CDK13: variants seen among roughly 807,000 people sequenced by gnomAD.
CDK13 encodes the protein cyclin dependent kinase 13.
CDK13 carries 40 observed loss-of-function variants against 137.6 expected under a neutral mutation model. That is an observed-to-expected ratio of 0.29 (90% confidence interval 0.23 to 0.38). The LOEUF (loss-of-function observed/expected upper bound fraction) is 0.38, where lower values mean the gene tolerates loss of function less well. Ranked by LOEUF, CDK13 falls within the 10% of genes least tolerant of loss-of-function variation. The pLI is 1.00. For synonymous variants in CDK13, 869 were observed against 760.1 expected (o/e 1.14, Z -2.36); for missense variants, 1,704 against 1,951.8 (o/e 0.87, Z 2.39).
intron 7 of CDK13, among the ~76,000 whole-genome samples, chr7:40,060,039 T>C (rs1786106979): frequency 6.6e-6 from 1 of 152,226 alleles, no homozygotes; most frequent in African/African-American, 2.4e-5. Context: ...TGTTTATTTT[T>C]GAAAATTTAC....
At position 40,045,939 on chromosome 7, in the gene CDK13, A is replaced by G. The variant is rs1188651535; in HGVS notation, c.2457A>G (p.Arg819=). The G allele has an allele frequency of 6.2e-7, 1 of 1,612,924 alleles. No individual in the cohort carries two copies. Among genetic ancestry groups the G allele is most frequent in the Admixed American group, 1.7e-5 (1 of 60,004 alleles). The change falls in exon 6 of 14, where the codon AGA becomes AGG. Residue 819 remains arginine, a synonymous_variant. Transcript: ENST00000181839. ...FNENHIKSFM[R]QLMEGLDYCH... is the part of the protein sequence containing the mutation. ...AAAATCACATAAAGTCATTTATGAGACAGCTCATGGAGGGTCTGGATTATT... is the reference window on the plus strand; with the variant it reads ...AAAATCACATAAAGTCATTTATGAGGCAGCTCATGGAGGGTCTGGATTATT...
intron 7 of CDK13, chr7:40,062,262 G>T (rs1256389457): frequency 2.0e-5 from 3 of 152,078 alleles, no homozygotes; most frequent in African/African-American, 7.3e-5. Context: ...GCTTTGCTTT[G>T]ACCAAATTGC....
At chr7:40,016,288 A>G (rs1477320572) in intron 5 of CDK13, among the ~76,000 whole-genome samples, 1 of 152,178 alleles carries the variant, frequency 6.6e-6, no homozygotes, top group Admixed American at 6.5e-5. Context: ...ACGTGGGCAA[A>G]TTATTTATTG....
chr7:40,096,512 A>G lies in CDK13; in HGVS notation c.*1532A>G, dbSNP rs1258852483. 4 of 152,212 alleles carry G rather than the reference A, an allele frequency of 2.6e-5. No homozygotes were observed. The highest frequency in any genetic ancestry group is 5.9e-5 in the Non-Finnish European group (4 of 68,026). 9.4% of individuals were successfully genotyped at this position (152,212 alleles called of 1,614,324 possible). ...AGTGTTTCCATTATCACTAAATGGA[A>G]AAATTGACTGGAAGTTAGAGTTGTG... On this transcript the variant is annotated 3_prime_UTR_variant, in exon 14 of 14. Coordinates refer to ENST00000181839, the MANE Select transcript of CDK13 (RefSeq NM_003718.5).
At chr7:40,012,652 C>A (rs1784919420) in intron 5 of CDK13, among the ~76,000 whole-genome samples, 1 of 151,710 alleles carries the variant, frequency 6.6e-6, no homozygotes, top group Non-Finnish European at 1.5e-5. Context: ...CAGTGGCTCA[C>A]GCCTGTAACC....
chr7:40,039,434 A>AT (rs976319927), intron 5 of CDK13, among the ~76,000 whole-genome samples: 3,215 of 84,852 alleles, frequency 0.038, 170 homozygotes, highest in Non-Finnish European at 0.04. Context: ...TGCCCGGCTA[A>AT]TTTTTTTTTT....
intron 12 of CDK13, 147 bp downstream of exon 12, chr7:40,088,478 A>C (rs1471480727): frequency 1.5e-6 from 1 of 664,852 alleles, no homozygotes; most frequent in African/African-American, 1.8e-5. Context: ...GCCAGTACAG[A>C]AGTTTCATTG....
intron 11 of CDK13, among the ~76,000 whole-genome samples, chr7:40,087,756 C>T (rs1016275757): frequency 6.6e-5 from 10 of 152,022 alleles, no homozygotes; most frequent in South Asian, 2.1e-4. Flanking sequence ...GCCATGTTGG[C>T]CAGGCTGATC....
chr7:40,089,723 A>AGAGTGTGTGT (rs1491307176), intron 12 of CDK13, among the ~76,000 whole-genome samples: 30 of 125,224 alleles, frequency 2.4e-4, no homozygotes, highest in African/African-American at 7.1e-4. Context: ...AGAGAGAGAG[A>AGAGTGTGTGT]GTGTGTGTGT....
rs1253914983 is a variant in CDK13 at position 40,001,973 on chromosome 7, C to A, written c.2295C>A (p.Ile765=). ...GGCAGCTTACCCATCAGAGTATTAT[C>A]AATATGAAGGAAATAGTGACTGATA... ...ILRQLTHQSI[I]NMKEIVTDKE... The change falls in exon 5 of 14, where the codon ATC becomes ATA. Residue 765 remains isoleucine, a synonymous_variant. Coordinates refer to ENST00000181839, the MANE Select transcript of CDK13 (RefSeq NM_003718.5). 6.2e-7 allele frequency: 1 copy of A among 1,610,610 alleles called. No homozygotes were observed. The highest frequency in any genetic ancestry group is 1.1e-5 in the South Asian group (1 of 90,836).
chr7:39,999,525 C>T, intron 4 of CDK13, 25 bp downstream of exon 4: 3 of 1,574,102 alleles, frequency 1.9e-6, no homozygotes, highest in Middle Eastern at 1.7e-4. Flanking sequence ...TTCTGGGGAT[C>T]TTTGGGCCTA....
chr7:40,062,134 C>T (rs1786161209), intron 7 of CDK13: 1 of 152,100 alleles, frequency 6.6e-6, no homozygotes, highest in African/African-American at 2.4e-5. Context: ...ATCTTGTCAT[C>T]CATTAGTAAT....
At chr7:39,962,398 A>G (rs1247451389) in intron 1 of CDK13, among the ~76,000 whole-genome samples, 1 of 152,234 alleles carries the variant, frequency 6.6e-6, no homozygotes, top group Admixed American at 6.5e-5. Context: ...GATGATGAGC[A>G]TCTTTTCATG....
At chr7:39,968,350 G>A (rs1004623505) in intron 1 of CDK13, among the ~76,000 whole-genome samples, 2 of 152,104 alleles carry the variant, frequency 1.3e-5, no homozygotes, top group African/African-American at 4.8e-5. Context: ...ACTGTATAAG[G>A]TGTGAGATGA....
intron 5 of CDK13, among the ~76,000 whole-genome samples, chr7:40,033,810 G>C (rs892643205): frequency 6.6e-6 from 1 of 152,142 alleles, no homozygotes; most frequent in Non-Finnish European, 1.5e-5. Context: ...CTGTGTCCCT[G>C]GTCTGTAGTC....
intron 5 of CDK13, among the ~76,000 whole-genome samples, chr7:40,031,929 C>T (rs1346049962): frequency 6.6e-6 from 1 of 151,530 alleles, no homozygotes; most frequent in Non-Finnish European, 1.5e-5. Context: ...TCAAGCTATC[C>T]TCCTGCCTCG....
chr7:40,005,009 A>C (rs1784767091), intron 5 of CDK13, among the ~76,000 whole-genome samples: 2 of 152,094 alleles, frequency 1.3e-5, no homozygotes, highest in African/African-American at 4.8e-5. Context: ...ACCCATCTCA[A>C]CTAAAAATAC....
At position 39,988,295 on chromosome 7, in the gene CDK13, G is replaced by A. The variant is rs751137950; in HGVS notation, c.1871+37G>A. 4.6e-6 allele frequency: 7 copies of A among 1,508,886 alleles called. No homozygotes were observed. The East Asian group carries it at 9.0e-5, about 19-fold the overall frequency. The allele number at this position is 1,508,886 out of a possible 1,614,324, so 93.5% of individuals were successfully genotyped here. A position where few individuals can be genotyped will look rare whatever the true frequency, so the allele number is the denominator to read the frequency against. ...AAGTATTTGTCAATAACTGTTCAAAGAAAAAATGTAAGTCTGAAGTGAGAA... is the reference window on the plus strand; with the variant it reads ...AAGTATTTGTCAATAACTGTTCAAAAAAAAAATGTAAGTCTGAAGTGAGAA... On this transcript the variant is annotated intron_variant, in intron 2 of 13. Transcript: ENST00000181839.
intron 5 of CDK13, among the ~76,000 whole-genome samples, chr7:40,014,313 C>T (rs974376396): frequency 1.3e-5 from 2 of 151,922 alleles, no homozygotes; most frequent in East Asian, 1.9e-4. Context: ...GTGATCTGCC[C>T]GCCTCAGCCT....
Sources: gnomAD v4.1 joint callset for allele counts (sites outside exome capture counted in the v4.1 genomes callset) on GRCh38, gnomAD v4.1.1 for gene constraint, MANE v1.5 for transcripts, NCBI Gene and HGNC (gene_info 2026-07-23, HGNC 2026-07-21) for gene names.